The following FGF13 variants were observed in gnomAD, a reference collection of about 807,000 sequenced individuals.
The protein encoded by FGF13 is fibroblast growth factor homologous factor 2.
FGF13 carries 2 observed loss-of-function variants against 19.5 expected under a neutral mutation model. The observed-to-expected ratio is 0.10, with a 90% CI of 0.04 to 0.32. FGF13 has a LOEUF of 0.32. Ranked by LOEUF, FGF13 falls within the 10% of genes least tolerant of loss-of-function variation. The pLI is 1.00. For synonymous variants in FGF13, 72 were observed against 76.9 expected, an observed-to-expected ratio of 0.94 and a Z score of 0.33; for missense variants, 113 against 192.7, an observed-to-expected ratio of 0.59 and a Z score of 2.45.
intron 3 of FGF13, among the ~76,000 whole-genome samples, chrX:138,794,689 C>G (rs139415318): frequency 2.7e-5 from 3 of 111,398 alleles, no homozygotes; most frequent in Non-Finnish European, 3.8e-5. Context: ...ACTGACCTAT[C>G]GTCCCAAAGG....
In FGF13 at chrX:138,833,676, C is replaced by T. The variant is rs182911430; in HGVS notation, c.217+23836G>A. Among the ~76,000 whole-genome samples the T allele has an allele frequency of 2.7e-3, 305 of 111,589 alleles. 1 individual carries two copies. The highest frequency in any genetic ancestry group is 9.0e-3 in the African/African-American group (278 of 30,769). ...TTCTCTCTTCACTGATTGCTCTGGC[C>T]GAGACGTCCAATACTACGTTGAATA... On this transcript the variant is annotated intron_variant, in intron 3 of 6. Transcript: ENST00000436198.
chrX:138,655,462 T>C (rs1468098580), intron 3 of FGF13, among the ~76,000 whole-genome samples: 1 of 111,821 alleles, frequency 8.9e-6, no homozygotes, highest in Non-Finnish European at 1.9e-5. Flanking sequence ...AGGTCAAAAA[T>C]ACATTTATTC....
At chrX:138,721,888 A>C (rs1180673276) in intron 1 of FGF13, among the ~76,000 whole-genome samples, 1 of 110,584 alleles carries the variant, frequency 9.0e-6, no homozygotes, top group South Asian at 3.8e-4. Context: ...CTATTTTTTC[A>C]TAACGTTCTG....
chrX:138,671,780 CA>C (rs34046126), intron 3 of FGF13, among the ~76,000 whole-genome samples: 23,138 of 110,168 alleles, frequency 0.21, 2,046 homozygotes, highest in East Asian at 0.5. Context: ...ACATATTTAA[CA>C]TGACTTGATT....
intron 3 of FGF13, among the ~76,000 whole-genome samples, chrX:138,844,291 A>G (rs1021613646): frequency 3.6e-5 from 4 of 112,224 alleles, no homozygotes; most frequent in African/African-American, 9.7e-5. Context: ...AAGCTTAACT[A>G]CATTCAAAAG....
At chrX:138,839,092 A>G (rs919491215) in intron 3 of FGF13, among the ~76,000 whole-genome samples, 1 of 111,251 alleles carries the variant, frequency 9.0e-6, no homozygotes, top group Non-Finnish European at 1.9e-5. Context: ...CCATTATTGT[A>G]GGAGTAGGTT....
intron 3 of FGF13, among the ~76,000 whole-genome samples, chrX:138,643,233 T>C (rs916315065): frequency 4.5e-5 from 5 of 112,140 alleles, no homozygotes; most frequent in African/African-American, 1.6e-4. Context: ...TTTTCATATA[T>C]TTCTCTAAAG....
chrX:138,916,663 T>A (rs746885130), intron 1 of FGF13, among the ~76,000 whole-genome samples: 41 of 112,489 alleles, frequency 3.6e-4, no homozygotes, highest in African/African-American at 1.1e-3. Flanking sequence ...AAGAGACTGA[T>A]CACATTCTAC....
At chrX:138,943,372 A>G (rs187448864) in intron 1 of FGF13, among the ~76,000 whole-genome samples, 2 of 112,588 alleles carry the variant, frequency 1.8e-5, no homozygotes, top group Admixed American at 9.4e-5. Context: ...GTAGGACAGT[A>G]CACGGCAACT....
rs1009033188 is a variant in FGF13 at position 139,022,347 on chromosome X, T to C, written c.-112-157697A>G. On this transcript the variant is annotated intron_variant, in intron 1 of 2. Transcript: ENST00000421460. ...ACTCAAGTCATTTATATTAATGCAC[T>C]TAAAATCCTATGTTTTCTGTATTAT... Among the ~76,000 whole-genome samples, 10 of 112,267 alleles carry C rather than the reference T, an allele frequency of 8.9e-5. 1 individual carries two copies. The highest frequency in any genetic ancestry group is 1.7e-4 in the Non-Finnish European group (9 of 53,096).
At chrX:139,105,121 G>C (rs2124460505) in intron 1 of FGF13, among the ~76,000 whole-genome samples, 1 of 110,521 alleles carries the variant, frequency 9.0e-6, no homozygotes, top group Admixed American at 9.7e-5. Context: ...TCCCTATCTG[G>C]CCAACTCTCA....
At chrX:138,634,364 C>T (rs1363192800) in intron 4 of FGF13, among the ~76,000 whole-genome samples, 1 of 112,326 alleles carries the variant, frequency 8.9e-6, no homozygotes, top group East Asian at 2.8e-4. Flanking sequence ...AGGCGTGAGC[C>T]ACCGTGCCCG....
intron 1 of FGF13, among the ~76,000 whole-genome samples, chrX:138,955,282 T>C (rs2091835258): frequency 1.8e-5 from 2 of 112,634 alleles, no homozygotes; most frequent in African/African-American, 6.4e-5. Flanking sequence ...AGTTATCGGC[T>C]AAACCAATGC....
intron 1 of FGF13, among the ~76,000 whole-genome samples, chrX:138,894,481 C>T (rs1334555689): frequency 9.0e-6 from 1 of 111,105 alleles, no homozygotes; most frequent in African/African-American, 3.3e-5. Context: ...GGGGATATAA[C>T]CACCAATCCC....
intron 3 of FGF13, among the ~76,000 whole-genome samples, chrX:138,665,926 G>A (rs763787834): frequency 9.9e-5 from 11 of 110,988 alleles, no homozygotes; most frequent in Non-Finnish European, 1.9e-4. Context: ...ACTAAATTAG[G>A]GCTGACACAG....
At chrX:138,755,424 A>C (rs2090425675) in intron 3 of FGF13, among the ~76,000 whole-genome samples, 1 of 112,503 alleles carries the variant, frequency 8.9e-6, no homozygotes, top group South Asian at 3.7e-4. Context: ...AAGGTCCAAC[A>C]ATTTCTTGTG....
intron 1 of FGF13, among the ~76,000 whole-genome samples, chrX:139,082,232 T>C (rs945253059): frequency 9.0e-6 from 1 of 111,130 alleles, no homozygotes; most frequent in Non-Finnish European, 1.9e-5. Flanking sequence ...CCCTCAGATA[T>C]CCGCATGGCT....
At chrX:138,918,453 A>C (rs2124238637) in intron 1 of FGF13, among the ~76,000 whole-genome samples, 1 of 111,673 alleles carries the variant, frequency 9.0e-6, no homozygotes, top group African/African-American at 3.3e-5. Flanking sequence ...GAATGGACCC[A>C]TGGACTATAA....
Position 138,839,956 on chromosome X carries a change from A to C in FGF13, c.217+17556T>G, listed in dbSNP as rs1324266176. ...AAATGGGATAAAATATCTACATTCT[A>C]GCATTTCTATCGAGATTATAGAAAC... is the stretch of plus-strand genomic sequence containing the variant. On this transcript the variant is annotated intron_variant, in intron 3 of 6. Transcript: ENST00000436198. Among the ~76,000 whole-genome samples the C allele has an allele frequency of 3.6e-5, 4 of 112,086 alleles. 1 individual carries two copies. Among genetic ancestry groups the C allele is most frequent in the Non-Finnish European group, 3.8e-5 (2 of 53,238 alleles).
Sources: allele counts gnomAD v4.1 joint callset (sites outside exome capture counted in the v4.1 genomes callset), GRCh38; gene constraint gnomAD v4.1.1; transcripts MANE v1.5; gene names NCBI Gene and HGNC (gene_info 2026-07-23, HGNC 2026-07-21).